DNM3: variants seen among roughly 807,000 people sequenced by gnomAD.
DNM3 encodes dynamin 3, also known as dynamin-3.
A neutral mutation model predicts 101.6 loss-of-function variants in DNM3; 47 were observed. The ratio of observed to expected loss-of-function variants is 0.46; its 90% confidence interval spans 0.37 to 0.59. The LOEUF is 0.59. Ranked by LOEUF, DNM3 falls within the 20% of genes least tolerant of loss-of-function variation. The pLI is 0.00. For synonymous variants in DNM3, 385 were observed against 387.9 expected (o/e 0.99, Z 0.09); for missense variants, 849 against 1,085.7 (o/e 0.78, Z 3.06).
At chr1:172,147,223 GTT>G (rs1401435624) in intron 14 of DNM3, among the ~76,000 whole-genome samples, 2 of 152,110 alleles carry the variant, frequency 1.3e-5, no homozygotes, top group Non-Finnish European at 2.9e-5. Flanking sequence ...TACATAAAAA[GTT>G]AGGAATACAC....
intron 14 of DNM3, among the ~76,000 whole-genome samples, chr1:172,247,059 G>T (rs1379549470): frequency 6.6e-6 from 1 of 152,030 alleles, no homozygotes; most frequent in Non-Finnish European, 1.5e-5. Flanking sequence ...CCCTGGGTGA[G>T]GAATCTTTTT....
intron 13 of DNM3, among the ~76,000 whole-genome samples, chr1:172,130,086 T>C (rs1180622396): frequency 6.6e-6 from 1 of 152,196 alleles, no homozygotes; most frequent in African/African-American, 2.4e-5. Context: ...TGGCCTTCCT[T>C]CTTCAACTAG....
At chr1:172,414,540 A>G (rs2071359395), downstream of DNM3, among the ~76,000 whole-genome samples, 1 of 152,220 alleles carries the variant, frequency 6.6e-6, no homozygotes, top group Non-Finnish European at 1.5e-5. Flanking sequence ...CATCTCACAG[A>G]TCTAGTGTCC....
chr1:172,142,817 G>T (rs1324021760), intron 14 of DNM3, among the ~76,000 whole-genome samples: 1 of 148,030 alleles, frequency 6.8e-6, no homozygotes, highest in Admixed American at 6.7e-5. Context: ...TTCAGTAATT[G>T]TATCAATTAG....
At position 172,079,590 on chromosome 1, in the gene DNM3, G is replaced by T. The variant is rs148568260; in HGVS notation, c.1423-2242G>T. 7.1e-3 allele frequency among the ~76,000 whole-genome samples: 1,081 copies of T among 152,112 alleles called. 18 individuals are homozygous for T. Among genetic ancestry groups the T allele is most frequent in the African/African-American group, 0.025 (1,020 of 41,524 alleles). On this transcript the variant is annotated intron_variant, in intron 11 of 20. Coordinates refer to ENST00000627582, the MANE Select transcript of DNM3 (RefSeq NM_015569.5). ...ATGCTCCTTTAGCTTGGAGGAGTTT[G>T]TTATTACCCACCTTGTGAAGCCTAC...
chr1:171,974,902 C>T (rs570082907), intron 2 of DNM3, among the ~76,000 whole-genome samples: 29 of 151,296 alleles, frequency 1.9e-4, no homozygotes, highest in African/African-American at 7.1e-4. Flanking sequence ...TGGTCTGTCA[C>T]CCAGGCTGGA....
intron 14 of DNM3, among the ~76,000 whole-genome samples, chr1:172,164,232 C>CTTTTTTTTTTTTTTTTTTTTTTTTTT: frequency 7.9e-6 from 1 of 126,648 alleles, no homozygotes; most frequent in Non-Finnish European, 1.6e-5. Context: ...CTTTTCTTTT[C>CTTTTTTTTTTTTTTTTTTTTTTTTTT]TTTTTTTTTT....
In DNM3 at chr1:171,855,997, T is replaced by G. The variant is rs567783485; in HGVS notation, c.161+14180T>G. Among the ~76,000 whole-genome samples, 207 of 152,350 alleles carry G rather than the reference T, an allele frequency of 1.4e-3. 7 individuals carry two copies. The South Asian group carries it at 0.037, about 28-fold the overall frequency. ...TTGTCTTCCAGGGTTTTTATAATTTTGGGTTTTACATTTAAGTCCGTAATC... is the reference window on the plus strand; with the variant it reads ...TTGTCTTCCAGGGTTTTTATAATTTGGGGTTTTACATTTAAGTCCGTAATC... On this transcript the variant is annotated intron_variant, in intron 1 of 20. Coordinates refer to ENST00000627582, the MANE Select transcript of DNM3 (RefSeq NM_015569.5).
At chr1:172,307,939 G>T (rs562121418) in intron 15 of DNM3, among the ~76,000 whole-genome samples, 1 of 152,056 alleles carries the variant, frequency 6.6e-6, no homozygotes, top group Non-Finnish European at 1.5e-5. Flanking sequence ...GTTAATGGGT[G>T]CAGCAAACCA....
At chr1:172,399,859 T>C (rs931003293) in intron 20 of DNM3, 62 of 151,020 alleles carry the variant, frequency 4.1e-4, no homozygotes, top group African/African-American at 1.4e-3. Context: ...AGAAAGAAAA[T>C]GTTGGTGCTA....
chr1:172,167,878 C>T (rs985353865), intron 14 of DNM3, among the ~76,000 whole-genome samples: 3 of 151,916 alleles, frequency 2.0e-5, no homozygotes, highest in African/African-American at 7.3e-5. Flanking sequence ...AGAGAGACTT[C>T]GAGTTGTTAA....
intron 14 of DNM3, among the ~76,000 whole-genome samples, chr1:172,204,359 G>A (rs1375123928): frequency 6.6e-6 from 1 of 152,058 alleles, no homozygotes; most frequent in Non-Finnish European, 1.5e-5. Context: ...CTAGTGCAGT[G>A]CTCCTAAAAT....
At chr1:172,148,849 A>G (rs1477930101) in intron 14 of DNM3, among the ~76,000 whole-genome samples, 2 of 152,076 alleles carry the variant, frequency 1.3e-5, no homozygotes, top group Non-Finnish European at 2.9e-5. Flanking sequence ...GCTCAAAGGA[A>G]TAGATATGTT....
chr1:172,080,302 T>G (rs2125984271), intron 11 of DNM3, among the ~76,000 whole-genome samples: 1 of 152,288 alleles, frequency 6.6e-6, no homozygotes, highest in South Asian at 2.1e-4. Context: ...CTGCTGCCTT[T>G]CTTTCAGAGA....
chr1:172,235,410 TAGTTCA>T (rs1391158024), intron 14 of DNM3, among the ~76,000 whole-genome samples: 5 of 152,210 alleles, frequency 3.3e-5, no homozygotes, highest in Non-Finnish European at 7.3e-5. Context: ...GACTGTACAC[TAGTTCA>T]ACCATTGTGG....
At chr1:172,332,008 A>G (rs2066208125) in intron 17 of DNM3, among the ~76,000 whole-genome samples, 1 of 152,022 alleles carries the variant, frequency 6.6e-6, no homozygotes. Context: ...GATGGATTTG[A>G]TATGAAAAAA....
intron 10 of DNM3, among the ~76,000 whole-genome samples, chr1:172,052,906 G>A (rs979008582): frequency 5.9e-5 from 9 of 152,134 alleles, no homozygotes; most frequent in African/African-American, 1.7e-4. Context: ...ACTGTCTACA[G>A]ACTACTGCAA....
chr1:172,247,876 G>C (rs1013079486), intron 14 of DNM3, among the ~76,000 whole-genome samples: 11 of 151,886 alleles, frequency 7.2e-5, no homozygotes, highest in Admixed American at 2.0e-4. Context: ...GTAGAAACAG[G>C]GTTTCACCAT....
chr1:172,053,755 C>T (rs2050374847), intron 10 of DNM3, among the ~76,000 whole-genome samples: 1 of 152,050 alleles, frequency 6.6e-6, no homozygotes, highest in Non-Finnish European at 1.5e-5. Context: ...AACATCTATC[C>T]TTTTCCTTAT....
Sources: gnomAD v4.1 joint callset for allele counts (sites outside exome capture counted in the v4.1 genomes callset) on GRCh38, gnomAD v4.1.1 for gene constraint, MANE v1.5 for transcripts, NCBI Gene and HGNC (gene_info 2026-07-23, HGNC 2026-07-21) for gene names.